Variants in DENND4A observed in about 807,000 individuals in gnomAD.
DENND4A encodes DENN domain containing 4A, also known as C-myc promoter-binding protein.
A neutral mutation model predicts 199.3 loss-of-function variants in DENND4A; 70 were observed. The observed-to-expected ratio is 0.35, with a 90% CI of 0.29 to 0.43. DENND4A has a LOEUF of 0.43. DENND4A is among the 20% of genes least tolerant of loss of function. The probability of loss-of-function intolerance (pLI) is 1.00; values close to 1 mark genes in which losing one functional copy is unlikely to be tolerated. For synonymous variants in DENND4A, 686 were observed against 766.9 expected (o/e 0.89, Z 1.74); for missense variants, 1,723 against 2,255.8 (o/e 0.76, Z 4.78).
chr15:65,780,396 A>T (rs1192074834), intron 1 of DENND4A, among the ~76,000 whole-genome samples: 1 of 152,230 alleles, frequency 6.6e-6, no homozygotes, highest in Non-Finnish European at 1.5e-5. Context: ...CAGTGCTATT[A>T]ATAAGAAAAG....
Position 65,690,764 on chromosome 15 carries a change from T to C in DENND4A, c.3830A>G (p.Asp1277Gly), listed in dbSNP as rs1453353470. 1 of 1,613,576 alleles carries C rather than the reference T, an allele frequency of 6.2e-7. No individual in the cohort carries two copies. Among genetic ancestry groups the C allele is most frequent in the Non-Finnish European group, 8.5e-7 (1 of 1,179,758 alleles). Reference protein sequence around the residue: ...TPSIDLQRACDDKLNKKSPPL... With the variant: ...TPSIDLQRACGDKLNKKSPPL... ...TGGACTTTTCTTATTTAATTTATCA[T>C]CACATGCCCGTTGTAAATCAATGCT... Residue 1277 changes from aspartate to glycine, a missense_variant, in exon 23 of 33, where the codon GAT (aspartate) becomes GGT (glycine). Coordinates refer to ENST00000443035, the MANE Select transcript of DENND4A (RefSeq NM_001320835.1).
intron 32 of DENND4A, among the ~76,000 whole-genome samples, chr15:65,663,191 TATATATA>T (rs1280825596): frequency 8.8e-5 from 11 of 125,100 alleles, no homozygotes; most frequent in African/African-American, 3.3e-4. Flanking sequence ...TATATATATA[TATATATA>T]TTTTTTTTTT....
At chr15:65,768,222 C>CGAACTCCTGGTCTT (rs1489610342) in intron 1 of DENND4A, among the ~76,000 whole-genome samples, 1 of 152,032 alleles carries the variant, frequency 6.6e-6, no homozygotes, top group Non-Finnish European at 1.5e-5. Flanking sequence ...AGGCTGGTCT[C>CGAACTCCTGGTCTT]GAACTCCTGG....
At chr15:65,756,652 CTT>C (rs1056891313) in intron 2 of DENND4A, among the ~76,000 whole-genome samples, 180 bp from the exon 3 acceptor site, 1 of 152,206 alleles carries the variant, frequency 6.6e-6, no homozygotes, top group African/African-American at 2.4e-5. Context: ...CTTTAGCAAT[CTT>C]TTATTATAAA....
At chr15:65,778,145 T>C (rs914613370) in intron 1 of DENND4A, among the ~76,000 whole-genome samples, 5 of 152,170 alleles carry the variant, frequency 3.3e-5, no homozygotes, top group Non-Finnish European at 5.9e-5. Context: ...AACTTCAGTG[T>C]AGTTATGAGT....
At chr15:65,774,247 T>C (rs535525984) in intron 1 of DENND4A, among the ~76,000 whole-genome samples, 4 of 152,258 alleles carry the variant, frequency 2.6e-5, no homozygotes, top group South Asian at 2.1e-4. Flanking sequence ...TCCCAGCACT[T>C]TGGGAGGCCA....
chr15:65,762,400 G>A (rs959654410), intron 1 of DENND4A, among the ~76,000 whole-genome samples: 1 of 152,130 alleles, frequency 6.6e-6, no homozygotes, highest in Admixed American at 6.5e-5. Flanking sequence ...AAGGCAGGAG[G>A]ATTGCTTAAG....
intron 1 of DENND4A, among the ~76,000 whole-genome samples, chr15:65,791,464 C>A (rs979758832): frequency 1.4e-5 from 2 of 143,488 alleles, no homozygotes; most frequent in Admixed American, 6.9e-5. Flanking sequence ...ACCACACACC[C>A]CCCCAAAAAG....
chr15:65,676,851 T>A (rs1227621724), intron 23 of DENND4A, among the ~76,000 whole-genome samples: 1 of 152,232 alleles, frequency 6.6e-6, no homozygotes, highest in Non-Finnish European at 1.5e-5. Flanking sequence ...ATTTTTTAGT[T>A]ACAGCAAAGT....
At chr15:65,721,890 T>C (rs1296530723) in intron 12 of DENND4A, among the ~76,000 whole-genome samples, 1 of 152,218 alleles carries the variant, frequency 6.6e-6, no homozygotes, top group African/African-American at 2.4e-5. Context: ...AAGGTTTAAT[T>C]TTCCTTATCA....
intron 24 of DENND4A, among the ~76,000 whole-genome samples, chr15:65,675,218 A>T (rs966619838): frequency 2.0e-5 from 3 of 152,178 alleles, no homozygotes; most frequent in Non-Finnish European, 4.4e-5. Context: ...ACAAAAAAGA[A>T]TATGTGACAG....
At chr15:65,775,726 T>C (rs2077268418) in intron 1 of DENND4A, among the ~76,000 whole-genome samples, 1 of 140,964 alleles carries the variant, frequency 7.1e-6, no homozygotes, top group Non-Finnish European at 1.5e-5. Flanking sequence ...CAAAATGACA[T>C]CAAAATTATA....
chr15:65,771,826 TC>T (rs761168672), intron 1 of DENND4A: 16 of 1,613,296 alleles, frequency 9.9e-6, no homozygotes, highest in Non-Finnish European at 1.4e-5. Context: ...TTTTCGCTTT[TC>T]TGGATTACTT....
intron 7 of DENND4A, among the ~76,000 whole-genome samples, chr15:65,733,882 G>A (rs1201831814): frequency 1.3e-5 from 2 of 152,222 alleles, no homozygotes; most frequent in African/African-American, 2.4e-5. Context: ...GATGCTTGAA[G>A]GCAGCATGCT....
intron 12 of DENND4A, 111 bp from the exon 13 acceptor site, chr15:65,718,107 GT>G: frequency 1.3e-6 from 1 of 759,454 alleles, no homozygotes; most frequent in Non-Finnish European, 2.1e-6. Context: ...TCAACTCTTT[GT>G]TTACATAACT....
chr15:65,685,150 C>G (rs1033481145), intron 23 of DENND4A, among the ~76,000 whole-genome samples: 2 of 149,740 alleles, frequency 1.3e-5, no homozygotes, highest in African/African-American at 4.9e-5. Flanking sequence ...TTTTTGAGAC[C>G]GTGTCTCACT....
chr15:65,696,586 T>C, intron 21 of DENND4A, 89 bp from the exon 22 acceptor site: 2 of 962,286 alleles, frequency 2.1e-6, no homozygotes, highest in Non-Finnish European at 3.0e-6. Flanking sequence ...CTACATATTT[T>C]TACTTGAAAA....
Position 65,731,694 on chromosome 15 carries a change from G to A in DENND4A, c.1114C>T (p.Pro372Ser). Residue 372 changes from proline to serine, a missense_variant, in exon 9 of 33, where the codon CCA becomes TCA. By Grantham distance (74) the Pro-to-Ser change is moderately conservative (BLOSUM62 -1). Coordinates refer to ENST00000443035, the MANE Select transcript of DENND4A (RefSeq NM_001320835.1). Reference protein sequence around the residue: ...QRPRILVQLSPHDNLILSQPV... With the variant: ...QRPRILVQLSSHDNLILSQPV... ...TGACTGAGAATCAGATTATCATGTG[G>A]TGATAACTGGAAGAAGATTTAAAAT... is the stretch of plus-strand genomic sequence containing the variant. 4.5e-6 allele frequency: 7 copies of A among 1,552,888 alleles called. 1 individual carries two copies. The highest frequency in any genetic ancestry group is 3.6e-5 in the South Asian group (3 of 82,922).
intron 4 of DENND4A, among the ~76,000 whole-genome samples, chr15:65,744,354 T>G (rs1733715571): frequency 6.6e-6 from 1 of 152,090 alleles, no homozygotes; most frequent in Non-Finnish European, 1.5e-5. Flanking sequence ...GACATCCAAG[T>G]GAAGAACTAA....
Sources: allele counts gnomAD v4.1 joint callset (sites outside exome capture counted in the v4.1 genomes callset), GRCh38; gene constraint gnomAD v4.1.1; transcripts MANE v1.5; gene names NCBI Gene and HGNC (gene_info 2026-07-23, HGNC 2026-07-21).